Variants in DTHD1 observed in about 807,000 individuals in gnomAD.
DTHD1 encodes death domain-containing protein 1.
In DTHD1, 59 loss-of-function variants were observed where a neutral mutation model predicts 74.8. That is an observed-to-expected ratio of 0.79 (90% CI 0.64 to 0.98). The LOEUF is 0.98. DTHD1 is among the 50% of genes least tolerant of loss of function. The pLI, the probability that DTHD1 is intolerant of heterozygous loss-of-function variation, is 0.00. For missense variants in DTHD1, 1,051 were observed against 1,065.4 expected (o/e 0.99, Z 0.19); for synonymous variants, 365 against 371.1 (o/e 0.98, Z 0.19).
chr4:36,306,089 A>T, intron 5 of DTHD1, 102 bp from the exon 6 acceptor site: 1 of 1,108,706 alleles, frequency 9.0e-7, no homozygotes, highest in Non-Finnish European at 1.3e-6. Flanking sequence ...GTATGTACTT[A>T]ATGAATTGTT....
intron 5 of DTHD1, among the ~76,000 whole-genome samples, chr4:36,298,144 T>C (rs1560792697): frequency 6.6e-6 from 1 of 152,132 alleles, no homozygotes; most frequent in African/African-American, 2.4e-5. Context: ...CCAGTTCAAC[T>C]CTTTCTTTTT....
intron 7 of DTHD1, among the ~76,000 whole-genome samples, chr4:36,314,059 C>T (rs1403770264): frequency 6.8e-6 from 1 of 147,706 alleles, no homozygotes; most frequent in Non-Finnish European, 1.5e-5. Flanking sequence ...CATTTGTCTC[C>T]TAGGAATCTG....
In DTHD1 at chr4:36,282,038, T is replaced by C; in HGVS notation, c.271+9T>C. 2.6e-6 allele frequency: 4 copies of C among 1,521,438 alleles called. No individual in the cohort carries two copies. Among genetic ancestry groups the C allele is most frequent in the Non-Finnish European group, 2.7e-6 (3 of 1,130,896 alleles). The allele number at this position is 1,521,438 out of a possible 1,614,324, so 94.2% of individuals were successfully genotyped here. ...ATGTGTCTCGAGAAAAGGCAAGTAT[T>C]CTTTTTTTTAGTTTATTCTTTCTCT... is the stretch of plus-strand genomic sequence containing the variant. On this transcript the variant is annotated intron_variant, in intron 1 of 9. Coordinates refer to ENST00000639862, the MANE Select transcript of DTHD1 (RefSeq NM_001170700.3).
At chr4:36,317,362 C>T (rs1199174635) in intron 8 of DTHD1, among the ~76,000 whole-genome samples, 2 of 152,184 alleles carry the variant, frequency 1.3e-5, no homozygotes, top group Non-Finnish European at 2.9e-5. Flanking sequence ...ATGGTCACTA[C>T]TGCCCATATG....
chr4:36,318,863 C>A (rs1306923193), intron 8 of DTHD1, among the ~76,000 whole-genome samples: 2 of 152,210 alleles, frequency 1.3e-5, no homozygotes, highest in African/African-American at 4.8e-5. Context: ...ATCCGCCCGC[C>A]TCGGCCTCCC....
rs1755589854 is a variant in DTHD1 at position 36,284,525 on chromosome 4, A to C, written c.821A>C (p.Tyr274Ser). 5 of 1,535,572 alleles carry C rather than the reference A, an allele frequency of 3.3e-6. No individual in the cohort carries two copies. In the South Asian group the frequency reaches 6.0e-5, roughly 18 times the overall value. ...ATAATATGTGATATCTCCAAGAAAT[A>C]TATAAATAGTACTCTTCCCAATGAT... ...SSIICDISKK[Y>S]INSTLPNDSE... The change falls in exon 2 of 10, where the codon TAT becomes TCT. Residue 274 changes from tyrosine (Y) to serine (S), a missense_variant. Physicochemically the swap from Tyr to Ser is moderately radical, Grantham distance 144. Transcript: ENST00000639862.
intron 7 of DTHD1, among the ~76,000 whole-genome samples, chr4:36,313,426 A>AC (rs1757514736): frequency 1.3e-5 from 2 of 151,630 alleles, no homozygotes; most frequent in South Asian, 2.1e-4. Context: ...GGAAAAAAAA[A>AC]AAAAAACAGA....
intron 7 of DTHD1, among the ~76,000 whole-genome samples, chr4:36,309,656 A>G (rs1365149851): frequency 1.3e-5 from 2 of 152,180 alleles, no homozygotes; most frequent in African/African-American, 4.8e-5. Context: ...GGTATATCCA[A>G]AACTTTTTTT....
intron 5 of DTHD1, among the ~76,000 whole-genome samples, chr4:36,298,697 A>G (rs887289918): frequency 6.6e-6 from 1 of 152,192 alleles, no homozygotes; most frequent in African/African-American, 2.4e-5. Context: ...TTTATGTCTG[A>G]ATGATTTCTA....
intron 9 of DTHD1, among the ~76,000 whole-genome samples, chr4:36,342,400 G>A (rs1292553347): frequency 6.6e-6 from 1 of 152,142 alleles, no homozygotes; most frequent in African/African-American, 2.4e-5. Context: ...ACCAGACCAG[G>A]GAAACTGGTG....
At chr4:36,313,647 G>A (rs1328664286) in intron 7 of DTHD1, among the ~76,000 whole-genome samples, 1 of 152,142 alleles carries the variant, frequency 6.6e-6, no homozygotes, top group Admixed American at 6.5e-5. Flanking sequence ...ATATAAATGT[G>A]ATCTTTAGAG....
At chr4:36,339,971 T>G (rs1224682596) in intron 9 of DTHD1, among the ~76,000 whole-genome samples, 6 of 152,222 alleles carry the variant, frequency 3.9e-5, no homozygotes, top group Non-Finnish European at 8.8e-5. Flanking sequence ...CTTTGCAAGT[T>G]TAATAATGCT....
chr4:36,345,102 C>T lies in DTHD1; in HGVS notation c.*1278C>T, dbSNP rs1759523358. 3 of 152,064 alleles carry T rather than the reference C, an allele frequency of 2.0e-5. No homozygotes were observed. The highest frequency in any genetic ancestry group is 6.6e-5 in the Admixed American group (1 of 15,260). 9.4% of individuals were successfully genotyped at this position (152,064 alleles called of 1,614,324 possible). A position where few individuals can be genotyped will look rare whatever the true frequency, so the allele number is the denominator to read the frequency against. On this transcript the variant is annotated 3_prime_UTR_variant, in exon 10 of 10. Coordinates refer to ENST00000639862, the MANE Select transcript of DTHD1 (RefSeq NM_001170700.3). ...AGTTATCAGTGAAAGAATTCAAGGC[C>T]TATTTCTTCTACTTAGGAAGAAAAC...
chr4:36,284,577 C>T lies in DTHD1; in HGVS notation c.873C>T (p.Asn291=). 6.6e-7 allele frequency: 1 copy of T among 1,515,378 alleles called. No individual in the cohort carries two copies. The highest frequency in any genetic ancestry group is 2.1e-5 in the Admixed American group (1 of 46,650). The allele number at this position is 1,515,378 out of a possible 1,614,324, so 93.9% of individuals were successfully genotyped here. ...NDSENIKHKN[N]IMEKEYLDVL... ...CAGAGAATATAAAGCACAAGAATAA[C>T]ATAATGGAAAAGGAGTAAGTAAATG... Residue 291 remains asparagine (N), a synonymous_variant, in exon 2 of 10, where the codon AAC becomes AAT. Coordinates refer to ENST00000639862, the MANE Select transcript of DTHD1 (RefSeq NM_001170700.3).
intron 8 of DTHD1, among the ~76,000 whole-genome samples, chr4:36,318,421 G>A (rs1757852531): frequency 6.6e-6 from 1 of 152,142 alleles, no homozygotes; most frequent in Admixed American, 6.5e-5. Flanking sequence ...CCTCAGTACA[G>A]AGGAACAGTC....
At chr4:36,333,567 A>G (rs745800984) in intron 8 of DTHD1, 1 of 152,172 alleles carries the variant, frequency 6.6e-6, no homozygotes, top group Non-Finnish European at 1.5e-5. Flanking sequence ...AGAGACCAAG[A>G]GCTCCATATA....
rs1000681587 is a variant in DTHD1, at chr4:36,339,140, G to T, written c.2369G>T (p.Ser790Ile). The change falls in exon 9 of 10, where the codon AGT becomes ATT. Residue 790 changes from serine to isoleucine, a missense_variant. By Grantham distance (142) the Ser-to-Ile change is moderately radical. Transcript: ENST00000639862. ...KHKKLINRPQ[S>I]TKRVSKDPVE... ...AAGAAATTAATCAACCGTCCACAGA[G>T]TACCAAAAGAGTTTCTAAGGATCCT... 6.5e-7 allele frequency: 1 copy of T among 1,547,984 alleles called. No homozygotes were observed. The highest frequency in any genetic ancestry group is 8.7e-7 in the Non-Finnish European group (1 of 1,144,300).
At position 36,294,797 on chromosome 4, in the gene DTHD1, C is replaced by A; in HGVS notation, c.1401C>A (p.Ile467=). Residue 467 remains isoleucine (I), a splice_region_variant and synonymous_variant, in exon 5 of 10, where the codon ATC becomes ATA. Coordinates refer to ENST00000639862, the MANE Select transcript of DTHD1 (RefSeq NM_001170700.3). Reference sequence around the variant, plus strand: ...GAAAAAATATATTTTTTGTTTAGATCCAACCAGTTGACCCAGCTCTGGTGG... The same window carrying A: ...GAAAAAATATATTTTTTGTTTAGATACAACCAGTTGACCCAGCTCTGGTGG... ...FTSPVLVQLK[I]QPVDPALVAH... is the part of the protein sequence containing the mutation. The A allele has an allele frequency of 6.5e-7, 1 of 1,535,966 alleles. No individual in the cohort carries two copies. The highest frequency in any genetic ancestry group is 8.8e-7 in the Non-Finnish European group (1 of 1,140,000).
intron 8 of DTHD1, among the ~76,000 whole-genome samples, chr4:36,335,058 T>TA (rs2109566882): frequency 6.6e-6 from 1 of 152,302 alleles, no homozygotes; most frequent in Admixed American, 6.5e-5. Flanking sequence ...AACAATATAA[T>TA]ATTAAGTTGT....
Sources: allele counts gnomAD v4.1 joint callset (sites outside exome capture counted in the v4.1 genomes callset), GRCh38; gene constraint gnomAD v4.1.1; transcripts MANE v1.5; gene names NCBI Gene and HGNC (gene_info 2026-07-23, HGNC 2026-07-21).